CNTN5: variants seen among roughly 807,000 people sequenced by gnomAD.
The protein encoded by CNTN5 is contactin 5.
CNTN5 carries 77 observed loss-of-function variants against 129.1 expected under a neutral mutation model. That is an observed-to-expected ratio of 0.60 (90% CI 0.50 to 0.72). CNTN5 has a LOEUF of 0.72. Ranked by LOEUF, CNTN5 falls within the 30% of genes least tolerant of loss-of-function variation. The pLI, the probability that CNTN5 is intolerant of heterozygous loss-of-function variation, is 0.00. For missense variants in CNTN5, 1,478 were observed against 1,328.8 expected (o/e 1.11, Z -1.75); for synonymous variants, 509 against 465.6 (o/e 1.09, Z -1.20).
intron 3 of CNTN5, among the ~76,000 whole-genome samples, chr11:99,754,884 T>G (rs1944357575): frequency 6.6e-6 from 1 of 152,210 alleles, no homozygotes; most frequent in Admixed American, 6.5e-5. Context: ...AGAGTAGTTT[T>G]AATGCCTTAA....
intron 23 of CNTN5, among the ~76,000 whole-genome samples, chr11:100,350,113 A>G (rs931778731): frequency 1.3e-5 from 2 of 151,812 alleles, no homozygotes; most frequent in Non-Finnish European, 2.9e-5. Flanking sequence ...AGCAAAAATT[A>G]AAAAAATAAA....
intron 23 of CNTN5, among the ~76,000 whole-genome samples, chr11:100,343,094 A>G (rs1370094061): frequency 1.3e-5 from 2 of 152,138 alleles, no homozygotes; most frequent in Admixed American, 1.3e-4. Flanking sequence ...ATTAGGTACA[A>G]TTTTTAAAAT....
chr11:99,837,100 G>A (rs1407004478), intron 4 of CNTN5, among the ~76,000 whole-genome samples: 3 of 152,056 alleles, frequency 2.0e-5, no homozygotes, highest in Non-Finnish European at 2.9e-5. Context: ...GACTGAGAAT[G>A]TCTTAACCAT....
At chr11:100,085,442 A>C (rs975610678) in intron 13 of CNTN5, among the ~76,000 whole-genome samples, 4 of 152,048 alleles carry the variant, frequency 2.6e-5, no homozygotes, top group African/African-American at 9.7e-5. Context: ...ATTCAATTCA[A>C]TTTATTTCCA....
At chr11:100,218,019 T>G (rs2138608563) in intron 15 of CNTN5, among the ~76,000 whole-genome samples, 1 of 152,314 alleles carries the variant, frequency 6.6e-6, no homozygotes, top group Non-Finnish European at 1.5e-5. Flanking sequence ...TCACCTCCAT[T>G]CTTTCAACTG....
At chr11:99,580,929 G>A (rs1949560891) in intron 3 of CNTN5, among the ~76,000 whole-genome samples, 3 of 145,024 alleles carry the variant, frequency 2.1e-5, no homozygotes, top group South Asian at 4.7e-4. Flanking sequence ...ATGTTAGGGT[G>A]TCAATTTTAG....
chr11:99,948,134 C>T (rs997400251), intron 7 of CNTN5, among the ~76,000 whole-genome samples: 2 of 152,276 alleles, frequency 1.3e-5, no homozygotes, highest in East Asian at 3.9e-4. Flanking sequence ...ATCTTGTGGA[C>T]TGCCATTGAT....
chr11:99,167,525 A>G (rs561848195), intron 1 of CNTN5, among the ~76,000 whole-genome samples: 2 of 152,256 alleles, frequency 1.3e-5, no homozygotes, highest in South Asian at 4.1e-4. Flanking sequence ...TTTAGTTGCT[A>G]TGATACTTGA....
chr11:99,072,916 A>T (rs1290633569), intron 1 of CNTN5, among the ~76,000 whole-genome samples: 1 of 152,100 alleles, frequency 6.6e-6, no homozygotes, highest in East Asian at 1.9e-4. Flanking sequence ...AATGATCACC[A>T]TTTGACTTCT....
intron 6 of CNTN5, among the ~76,000 whole-genome samples, chr11:99,855,877 T>C (rs1348164183): frequency 6.6e-6 from 1 of 152,222 alleles, no homozygotes; most frequent in Non-Finnish European, 1.5e-5. Context: ...TCTTTAGAAC[T>C]AATTTTCATT....
At chr11:100,227,439 C>A (rs1226236778) in intron 16 of CNTN5, among the ~76,000 whole-genome samples, 1 of 152,130 alleles carries the variant, frequency 6.6e-6, no homozygotes, top group African/African-American at 2.4e-5. Flanking sequence ...TCCCCATTCA[C>A]TACTTTAAGG....
At chr11:99,550,195 A>G (rs548695006) in intron 2 of CNTN5, among the ~76,000 whole-genome samples, 164 of 152,280 alleles carry the variant, frequency 1.1e-3, no homozygotes, top group Non-Finnish European at 1.4e-3. Context: ...TGTCCAGGAC[A>G]CAAAACTGTC....
chr11:100,044,742 T>G (rs1942576458), intron 9 of CNTN5, among the ~76,000 whole-genome samples: 1 of 149,970 alleles, frequency 6.7e-6, no homozygotes, highest in Non-Finnish European at 1.5e-5. Context: ...CTCTGTCAGA[T>G]GCATAGTTTG....
At chr11:99,987,729 T>C (rs908980086) in intron 8 of CNTN5, among the ~76,000 whole-genome samples, 2 of 152,102 alleles carry the variant, frequency 1.3e-5, no homozygotes, top group Non-Finnish European at 2.9e-5. Flanking sequence ...GAATGTTTCC[T>C]GGGGAGCAGA....
intron 3 of CNTN5, among the ~76,000 whole-genome samples, chr11:99,738,960 T>C (rs574778318): frequency 6.6e-6 from 1 of 152,324 alleles, no homozygotes; most frequent in Non-Finnish European, 1.5e-5. Flanking sequence ...TATGTATTTG[T>C]GGATAAGGGA....
At chr11:99,520,226 A>T (rs1009451040) in intron 2 of CNTN5, among the ~76,000 whole-genome samples, 1 of 152,138 alleles carries the variant, frequency 6.6e-6, no homozygotes, top group Admixed American at 6.6e-5. Flanking sequence ...ATAAAGTGAG[A>T]GTTTCCTAAA....
chr11:99,386,398 G>A (rs1940929275), intron 2 of CNTN5, among the ~76,000 whole-genome samples: 1 of 152,220 alleles, frequency 6.6e-6, no homozygotes, highest in East Asian at 1.9e-4. Context: ...TTGAACATAT[G>A]CTAAACAAGG....
intron 1 of CNTN5, among the ~76,000 whole-genome samples, chr11:99,042,028 T>C (rs544820057): frequency 6.6e-6 from 1 of 152,258 alleles, no homozygotes; most frequent in South Asian, 2.1e-4. Context: ...GAGAATATCA[T>C]TTCTCTAGAA....
chr11:100,121,854 G>T (rs1023551339), intron 13 of CNTN5, among the ~76,000 whole-genome samples: 1 of 151,894 alleles, frequency 6.6e-6, no homozygotes, highest in African/African-American at 2.4e-5. Context: ...AAATAGAGCA[G>T]ATTAAAAGTA....
Sources: gnomAD v4.1 joint callset for allele counts (sites outside exome capture counted in the v4.1 genomes callset) on GRCh38, gnomAD v4.1.1 for gene constraint, MANE v1.5 for transcripts, NCBI Gene and HGNC (gene_info 2026-07-23, HGNC 2026-07-21) for gene names.